EHMT1: variants seen among roughly 807,000 people sequenced by gnomAD.
EHMT1 encodes histone-lysine N-methyltransferase EHMT1.
Under a neutral mutation model 147.2 loss-of-function variants are expected in EHMT1, and 15 were observed. The observed-to-expected ratio is 0.10, with a 90% confidence interval of 0.07 to 0.16. The LOEUF (loss-of-function observed/expected upper bound fraction) is 0.16, where lower values mean the gene tolerates loss of function less well. Among genes scored for constraint, EHMT1 ranks in the 10% least tolerant of loss-of-function variants. The pLI, the probability that EHMT1 is intolerant of heterozygous loss-of-function variation, is 1.00. For synonymous variants in EHMT1, 795 were observed against 709.6 expected, an observed-to-expected ratio of 1.12 and a Z score of -1.91; for missense variants, 1,587 against 1,772.4, an observed-to-expected ratio of 0.90 and a Z score of 1.88.
chr9:137,799,327 T>G (rs1953250228), intron 17 of EHMT1, among the ~76,000 whole-genome samples: 1 of 152,174 alleles, frequency 6.6e-6, no homozygotes, highest in Non-Finnish European at 1.5e-5. Context: ...CTCCATCAGC[T>G]GTGTCTAGGT....
intron 3 of EHMT1, among the ~76,000 whole-genome samples, chr9:137,722,417 G>C (rs1326463931): frequency 6.6e-6 from 1 of 152,230 alleles, no homozygotes; most frequent in Non-Finnish European, 1.5e-5. Flanking sequence ...AAGAGAACTT[G>C]AGTGTTTTGA....
At chr9:137,763,066 G>A (rs1015762394) in intron 10 of EHMT1, 11 of 612,100 alleles carry the variant, frequency 1.8e-5, no homozygotes, top group African/African-American at 1.7e-4. Context: ...AAAATGGCCT[G>A]TTGTATTTCT....
At chr9:137,682,130 A>G (rs1942010087) in intron 1 of EHMT1, among the ~76,000 whole-genome samples, 1 of 151,780 alleles carries the variant, frequency 6.6e-6, no homozygotes, top group South Asian at 2.1e-4. Context: ...TTGTATTTTT[A>G]GTAGAGACGG....
At chr9:137,799,292 T>G (rs1055294600) in intron 17 of EHMT1, among the ~76,000 whole-genome samples, 4 of 152,164 alleles carry the variant, frequency 2.6e-5, no homozygotes, top group African/African-American at 9.7e-5. Flanking sequence ...CTGCACTGTG[T>G]CTGGCTGGAG....
Position 137,743,303 on chromosome 9 carries a change from T to C in EHMT1, c.824-68T>C, listed in dbSNP as rs536150571. Reference sequence around the variant, plus strand: ...AAGTTTTGTAAACTGTCTCTTACCTTTGAAAAACATTTGAATGGTGTTTCT... The same window carrying C: ...AAGTTTTGTAAACTGTCTCTTACCTCTGAAAAACATTTGAATGGTGTTTCT... On this transcript the variant is annotated intron_variant, in intron 4 of 26. Coordinates refer to ENST00000460843, the MANE Select transcript of EHMT1 (RefSeq NM_024757.5). The C allele has an allele frequency of 1.1e-5, 16 of 1,521,514 alleles. No individual in the cohort carries two copies. In the South Asian group the frequency reaches 1.8e-4, roughly 17 times the overall value. 94.3% of individuals were successfully genotyped at this position (1,521,514 alleles called of 1,614,324 possible).
chr9:137,818,278 C>T (rs1564820217), intron 25 of EHMT1, 140 bp downstream of exon 25: 12 of 946,708 alleles, frequency 1.3e-5, no homozygotes, highest in South Asian at 9.5e-5. Flanking sequence ...TGCTGAGTGC[C>T]GCATTTGGAG....
chr9:137,637,761 C>A (rs553076272), intron 1 of EHMT1: 1 of 152,336 alleles, frequency 6.6e-6, no homozygotes. Context: ...GTTATCACGC[C>A]TTTAAATGTT....
chr9:137,619,183 C>A (rs1842789124), intron 1 of EHMT1, 134 bp downstream of exon 1: 1 of 151,324 alleles, frequency 6.6e-6, no homozygotes, highest in African/African-American at 2.5e-5. Context: ...CCCGCCGCCG[C>A]CGCCGCCGCT....
At chr9:137,628,717 A>G (rs931334692) in intron 1 of EHMT1, among the ~76,000 whole-genome samples, 4 of 152,240 alleles carry the variant, frequency 2.6e-5, no homozygotes, top group African/African-American at 9.6e-5. Flanking sequence ...CTGGAGTCAT[A>G]GTAAGGGCCA....
At chr9:137,691,272 TTTCC>T in intron 1 of EHMT1, among the ~76,000 whole-genome samples, 1 of 151,540 alleles carries the variant, frequency 6.6e-6, no homozygotes, top group South Asian at 2.1e-4. Flanking sequence ...TGTGTCTGAA[TTTCC>T]TTCCTTTTTA....
chr9:137,802,285 G>C, intron 18 of EHMT1: 1 of 398,618 alleles, frequency 2.5e-6, no homozygotes, highest in East Asian at 3.6e-5. Flanking sequence ...CACCGTCACA[G>C]AGGGTTCAGA....
chr9:137,658,613 G>A (rs974474285), intron 1 of EHMT1, among the ~76,000 whole-genome samples: 12 of 151,288 alleles, frequency 7.9e-5, no homozygotes, highest in Admixed American at 7.9e-4. Context: ...ATAGAAAAAT[G>A]AATTTTTCTT....
Position 137,788,067 on chromosome 9 carries a change from T to C in EHMT1, c.2383-2781T>C, listed in dbSNP as rs1588710780. ...CCTGATGGCTCCCGCTGGCAAAGTCTCCCCCTCCACTCTCGTGGGGCCAGG... is the reference window on the plus strand; with the variant it reads ...CCTGATGGCTCCCGCTGGCAAAGTCCCCCCCTCCACTCTCGTGGGGCCAGG... On this transcript the variant is annotated intron_variant, in intron 15 of 26. Transcript: ENST00000460843. 7 of 1,356,728 alleles carry C rather than the reference T, an allele frequency of 5.2e-6. No homozygotes were observed. The South Asian group carries it at 5.9e-5, about 11-fold the overall frequency. 84.0% of individuals were successfully genotyped at this position (1,356,728 alleles called of 1,614,324 possible).
intron 2 of EHMT1, among the ~76,000 whole-genome samples, chr9:137,711,802 T>G (rs1944753303): frequency 6.6e-6 from 1 of 152,072 alleles, no homozygotes; most frequent in East Asian, 1.9e-4. Context: ...GAGAGTGGTG[T>G]TCTGGCTGGA....
intron 1 of EHMT1, among the ~76,000 whole-genome samples, chr9:137,621,893 T>G (rs1842956444): frequency 6.6e-6 from 1 of 151,864 alleles, no homozygotes; most frequent in Admixed American, 6.6e-5. Context: ...ATTTAAAAAA[T>G]CAGTGCTAAA....
intron 18 of EHMT1, chr9:137,802,669 C>A: frequency 2.0e-6 from 1 of 497,336 alleles, no homozygotes; most frequent in Non-Finnish European, 3.1e-6. Context: ...GTAAGCAGAC[C>A]CCACCTCCCA....
At chr9:137,678,733 A>G (rs187511721) in intron 1 of EHMT1, among the ~76,000 whole-genome samples, 1 of 144,072 alleles carries the variant, frequency 6.9e-6, no homozygotes, top group African/African-American at 2.5e-5. Flanking sequence ...CCCCCCGAAA[A>G]ACGTATTGCA....
chr9:137,812,846 C>G (rs57119641), intron 19 of EHMT1, among the ~76,000 whole-genome samples, 160 bp from the exon 20 acceptor site: 1 of 152,120 alleles, frequency 6.6e-6, no homozygotes, highest in Non-Finnish European at 1.5e-5. Flanking sequence ...AGCTAAAGCC[C>G]GTCTTTGCAG....
At chr9:137,630,656 C>T (rs553483184) in intron 1 of EHMT1, among the ~76,000 whole-genome samples, 96 of 152,206 alleles carry the variant, frequency 6.3e-4, no homozygotes, top group African/African-American at 2.2e-3. Flanking sequence ...GATTATGTGC[C>T]GTTGTACTTC....
Sources: allele counts gnomAD v4.1 joint callset (sites outside exome capture counted in the v4.1 genomes callset), GRCh38; gene constraint gnomAD v4.1.1; transcripts MANE v1.5; gene names NCBI Gene and HGNC (gene_info 2026-07-23, HGNC 2026-07-21).